TBCE: variants seen among roughly 807,000 people sequenced by gnomAD.
The protein encoded by TBCE is tubulin folding cofactor E, also known as tubulin-specific chaperone E.
A neutral mutation model predicts 77.0 loss-of-function variants in TBCE; 53 were observed. That is an observed-to-expected ratio of 0.69 (90% CI 0.55 to 0.87). TBCE has a LOEUF of 0.87. TBCE is among the 40% of genes least tolerant of loss of function. The pLI is 0.00. For missense variants in TBCE, 624 were observed against 622.4 expected (o/e 1.00, Z -0.03); for synonymous variants, 235 against 241.3 (o/e 0.97, Z 0.24).
chr1:235,434,661 C>T (rs1021850430), intron 8 of TBCE, among the ~76,000 whole-genome samples: 3 of 151,786 alleles, frequency 2.0e-5, no homozygotes, highest in East Asian at 1.9e-4. Context: ...CTCAGCCTCC[C>T]GAGTAGCTGG....
chr1:235,415,639 T>C (rs566843587), intron 4 of TBCE: 1 of 152,278 alleles, frequency 6.6e-6, no homozygotes, highest in African/African-American at 2.4e-5. Context: ...TTTGTTATTG[T>C]TGTTATTAAT....
chr1:235,391,600 C>CTTTTT (rs58265980), intron 2 of TBCE, among the ~76,000 whole-genome samples: 44 of 85,396 alleles, frequency 5.2e-4, no homozygotes, highest in Non-Finnish European at 6.7e-4. Context: ...GCTTCATTTC[C>CTTTTT]TTTTTTTTTT....
chr1:235,368,273 A>G (rs926287798), intron 1 of TBCE, among the ~76,000 whole-genome samples: 3 of 152,086 alleles, frequency 2.0e-5, no homozygotes, highest in Non-Finnish European at 4.4e-5. Flanking sequence ...GGTGGATCCA[A>G]ATGATGGTGT....
At chr1:235,402,274 G>A (rs745655050) in intron 3 of TBCE, among the ~76,000 whole-genome samples, 3 of 151,882 alleles carry the variant, frequency 2.0e-5, no homozygotes, top group Non-Finnish European at 4.4e-5. Flanking sequence ...ATATTGGCCA[G>A]GCTGGTCCCG....
intron 2 of TBCE, among the ~76,000 whole-genome samples, chr1:235,385,773 T>A (rs1045893343): frequency 4.6e-5 from 7 of 152,208 alleles, no homozygotes; most frequent in African/African-American, 1.7e-4. Context: ...CTTTATCCAA[T>A]TTGCCAGTCT....
intron 2 of TBCE, among the ~76,000 whole-genome samples, chr1:235,381,658 C>T (rs1318664520): frequency 7.7e-6 from 1 of 130,028 alleles, no homozygotes; most frequent in African/African-American, 3.0e-5. Context: ...GCACCCCAGC[C>T]TGGGCGACAG....
At chr1:235,416,159 ACT>A (rs1680096506) in intron 4 of TBCE, 2 of 109,496 alleles carry the variant, frequency 1.8e-5, no homozygotes, top group Non-Finnish European at 3.4e-5. Flanking sequence ...ACAGAATGAG[ACT>A]CTGTCTCAAA....
chr1:235,404,854 A>G (rs927187351), intron 3 of TBCE, among the ~76,000 whole-genome samples: 1 of 149,808 alleles, frequency 6.7e-6, no homozygotes, highest in Non-Finnish European at 1.5e-5. Flanking sequence ...TAGAGATGGG[A>G]TTTCACCATG....
Position 235,437,371 on chromosome 1 carries a change from C to A in TBCE, c.1013C>A (p.Ser338Tyr). Residue 338 changes from serine (S) to tyrosine (Y), a missense_variant, in exon 12 of 17, where the codon TCC becomes TAC. Ser to Tyr is a moderately radical substitution (Grantham distance 144, BLOSUM62 -2). Coordinates refer to ENST00000642610, the MANE Select transcript of TBCE (RefSeq NM_003193.5). ...AAGTTACCAAGTCTACGGGCTTTGTCCTGCCTAAGAAACCCCCTGACCAAA... is the reference window on the plus strand; with the variant it reads ...AAGTTACCAAGTCTACGGGCTTTGTACTGCCTAAGAAACCCCCTGACCAAA... ...LEKLPSLRAL[S>Y]CLRNPLTKED... The A allele has an allele frequency of 6.2e-7, 1 of 1,614,042 alleles. No homozygotes were observed. The highest frequency in any genetic ancestry group is 1.1e-5 in the South Asian group (1 of 91,062).
intron 3 of TBCE, among the ~76,000 whole-genome samples, chr1:235,404,600 TAGA>T (rs1679309725): frequency 6.6e-6 from 1 of 152,086 alleles, no homozygotes; most frequent in African/African-American, 2.4e-5. Context: ...ACACTAAACT[TAGA>T]AGTTTTTTCT....
intron 15 of TBCE, 158 bp downstream of exon 15, chr1:235,443,069 C>T: frequency 2.7e-6 from 2 of 727,578 alleles, no homozygotes; most frequent in Non-Finnish European, 4.7e-6. Context: ...ATCAATCATG[C>T]TAATATCACT....
chr1:235,405,544 G>C (rs1225303440), intron 3 of TBCE, among the ~76,000 whole-genome samples: 1 of 151,750 alleles, frequency 6.6e-6, no homozygotes, highest in African/African-American at 2.4e-5. Flanking sequence ...GTTGAGGCAT[G>C]AGAATCACTT....
intron 13 of TBCE, among the ~76,000 whole-genome samples, chr1:235,440,657 G>A (rs1456453270): frequency 1.3e-5 from 2 of 152,078 alleles, no homozygotes; most frequent in African/African-American, 4.8e-5. Flanking sequence ...GCCTCCCAAA[G>A]TGCTGGGATT....
intron 13 of TBCE, chr1:235,441,034 G>C (rs1420924742): frequency 6.6e-6 from 1 of 152,314 alleles, no homozygotes. Context: ...AAGCAGCCTA[G>C]AGGAATCACT....
rs1681469339 is a variant in TBCE at position 235,436,668 on chromosome 1, G to A, written c.963+60G>A. On this transcript the variant is annotated intron_variant, in intron 11 of 16. Transcript: ENST00000642610. ...TGCCTCTTTCCACTCTCATGGCAGA[G>A]TTTGGAGGTTCCTTCTACCAAAAAA... is the stretch of plus-strand genomic sequence containing the variant. 17 of 1,476,446 alleles carry A rather than the reference G, an allele frequency of 1.2e-5. No homozygotes were observed. The South Asian group carries it at 1.6e-4, about 14-fold the overall frequency. The allele number at this position is 1,476,446 out of a possible 1,614,324, so 91.5% of individuals were successfully genotyped here.
At chr1:235,431,940 G>A (rs1454907701) in intron 7 of TBCE, among the ~76,000 whole-genome samples, 1 of 149,600 alleles carries the variant, frequency 6.7e-6, no homozygotes, top group East Asian at 2.0e-4. Context: ...CTAAAGTCCT[G>A]GGATTACAGG....
chr1:235,368,171 G>A (rs1437445426), intron 1 of TBCE, among the ~76,000 whole-genome samples: 1 of 152,184 alleles, frequency 6.6e-6, no homozygotes, highest in Non-Finnish European at 1.5e-5. Context: ...CTCCCAAACT[G>A]CTGGGATTAC....
At chr1:235,403,719 G>T (rs958395044) in intron 3 of TBCE, among the ~76,000 whole-genome samples, 14 of 152,156 alleles carry the variant, frequency 9.2e-5, no homozygotes, top group African/African-American at 3.4e-4. Context: ...CCTTGGTTCA[G>T]GGACATTGAG....
intron 2 of TBCE, among the ~76,000 whole-genome samples, chr1:235,398,793 A>G (rs774276957): frequency 6.4e-5 from 9 of 141,198 alleles, no homozygotes; most frequent in Admixed American, 1.5e-4. Flanking sequence ...AGGCAAAAGA[A>G]TCGCTTGAGC....
Sources: allele counts gnomAD v4.1 joint callset (sites outside exome capture counted in the v4.1 genomes callset), GRCh38; gene constraint gnomAD v4.1.1; transcripts MANE v1.5; gene names NCBI Gene and HGNC (gene_info 2026-07-23, HGNC 2026-07-21).